Variants in PRXL2A observed in about 807,000 individuals in gnomAD.
PRXL2A encodes peroxiredoxin-like 2A.
Under a neutral mutation model 25.6 loss-of-function variants are expected in PRXL2A, and 26 were observed. That is an observed-to-expected ratio of 1.02 (90% confidence interval 0.74 to 1.41). PRXL2A has a LOEUF of 1.41. Among genes scored for constraint, PRXL2A ranks in the 40% most tolerant of loss-of-function variants. PRXL2A has a pLI of 0.00. For missense variants in PRXL2A, 246 were observed against 273.9 expected (o/e 0.90, Z 0.72); for synonymous variants, 98 against 102.9 (o/e 0.95, Z 0.29).
At chr10:80,419,694 T>C (rs1844794675) in intron 1 of PRXL2A, among the ~76,000 whole-genome samples, 1 of 152,216 alleles carries the variant, frequency 6.6e-6, no homozygotes, top group African/African-American at 2.4e-5. Flanking sequence ...GTCAGATTAC[T>C]AAACACCAGT....
At chr10:80,418,475 G>T (rs1300893355) in intron 1 of PRXL2A, among the ~76,000 whole-genome samples, 1 of 150,490 alleles carries the variant, frequency 6.6e-6, no homozygotes, top group African/African-American at 2.5e-5. Flanking sequence ...CTCATGCAGT[G>T]CACCCCTCAC....
chr10:80,413,461 G>T (rs1353514765), intron 1 of PRXL2A, among the ~76,000 whole-genome samples: 2 of 152,212 alleles, frequency 1.3e-5, no homozygotes, highest in Non-Finnish European at 2.9e-5. Context: ...GGGCAAGGGA[G>T]CAGGCTGCAC....
chr10:80,424,004 C>T (rs972816359), intron 3 of PRXL2A, among the ~76,000 whole-genome samples: 4 of 152,128 alleles, frequency 2.6e-5, no homozygotes, highest in African/African-American at 4.8e-5. Context: ...TCAGCAACAG[C>T]ATGGAAGCCT....
At chr10:80,413,877 G>A (rs1844558290) in intron 1 of PRXL2A, 2 of 1,246,914 alleles carry the variant, frequency 1.6e-6, no homozygotes, top group Middle Eastern at 2.2e-4. Flanking sequence ...GCTGTGTATG[G>A]TGAGTGCCTT....
intron 1 of PRXL2A, 83 bp from the exon 2 acceptor site, chr10:80,420,383 C>T: frequency 6.7e-7 from 1 of 1,502,820 alleles, no homozygotes; most frequent in African/African-American, 1.4e-5. Flanking sequence ...GGTTGGCTGT[C>T]CTGCCAGAGC....
intron 5 of PRXL2A, among the ~76,000 whole-genome samples, chr10:80,430,184 T>C (rs1168899073): frequency 8.1e-6 from 1 of 124,086 alleles, no homozygotes; most frequent in Non-Finnish European, 1.6e-5. Context: ...CACTGCAACC[T>C]CCACCCCCCC....
In PRXL2A at chr10:80,432,827, T is replaced by C. The variant is rs1162051171; in HGVS notation, c.*728T>C. 1 of 152,178 alleles carries C rather than the reference T, an allele frequency of 6.6e-6. No homozygotes were observed. The highest frequency in any genetic ancestry group is 2.4e-5 in the African/African-American group (1 of 41,434). 9.4% of individuals were successfully genotyped at this position (152,178 alleles called of 1,614,324 possible). On this transcript the variant is annotated 3_prime_UTR_variant, in exon 6 of 6. Coordinates refer to ENST00000606162, the MANE Select transcript of PRXL2A (RefSeq NM_032333.5). ...TTTCTATTAATAATTGGTTATATGA[T>C]GTCAAAGTAATACTTTCATAATAGA...
At chr10:80,420,403 A>G in intron 1 of PRXL2A, 63 bp from the exon 2 acceptor site, 1 of 1,505,440 alleles carries the variant, frequency 6.6e-7, no homozygotes, top group East Asian at 2.4e-5. Flanking sequence ...CCTTGCCTGG[A>G]AGATGAAATT....
intron 1 of PRXL2A, 191 bp from the exon 2 acceptor site, chr10:80,420,275 G>A (rs1844817957): frequency 7.5e-7 from 1 of 1,341,936 alleles, no homozygotes; most frequent in Non-Finnish European, 9.5e-7. Context: ...CTCCATGTGT[G>A]TGCTGCATCC....
At chr10:80,427,907 T>C (rs550202266) in intron 5 of PRXL2A, among the ~76,000 whole-genome samples, 6 of 152,312 alleles carry the variant, frequency 3.9e-5, no homozygotes, top group African/African-American at 1.2e-4. Flanking sequence ...TTGCTGACTT[T>C]AAGTTTTGTT....
rs1443814902 is a variant in PRXL2A, at chr10:80,433,068, A to C, written c.*969A>C. On this transcript the variant is annotated 3_prime_UTR_variant, in exon 6 of 6. Coordinates refer to ENST00000606162, the MANE Select transcript of PRXL2A (RefSeq NM_032333.5). The stretch of plus-strand genomic sequence containing the variant: ...CATATAATTGGCTGAAAGTAAAAAA[A>C]GTCAGCATTCTCCATGGCTGAGGGG... 1 of 152,242 alleles carries C rather than the reference A, an allele frequency of 6.6e-6. No homozygotes were observed. Among genetic ancestry groups the C allele is most frequent in the East Asian group, 1.9e-4 (1 of 5,204 alleles). 9.4% of individuals were successfully genotyped at this position (152,242 alleles called of 1,614,324 possible).
Position 80,436,645 on chromosome 10 carries a change from G to T in PRXL2A, c.*4546G>T, listed in dbSNP as rs1272653885. The stretch of plus-strand genomic sequence containing the variant: ...GACCTTCTCCTGCCCTCTTGTTTCT[G>T]GCTTTTCATTCTCCCCCAAGGCTAC... On this transcript the variant is annotated 3_prime_UTR_variant, in exon 6 of 6. Coordinates refer to ENST00000606162, the MANE Select transcript of PRXL2A (RefSeq NM_032333.5). 1 of 152,138 alleles carries T rather than the reference G, an allele frequency of 6.6e-6. No individual in the cohort carries two copies. The highest frequency in any genetic ancestry group is 1.5e-5 in the Non-Finnish European group (1 of 68,072). The allele number at this position is 152,138 out of a possible 1,614,324, so 9.4% of individuals were successfully genotyped here. A position where few individuals can be genotyped will look rare whatever the true frequency, so the allele number is the denominator to read the frequency against.
intron 4 of PRXL2A, among the ~76,000 whole-genome samples, chr10:80,426,959 C>G (rs919735888): frequency 6.6e-6 from 1 of 151,782 alleles, no homozygotes; most frequent in Non-Finnish European, 1.5e-5. Flanking sequence ...GCTTGGCCAA[C>G]GTGGTGAAAC....
intron 2 of PRXL2A, 25 bp from the exon 3 acceptor site, chr10:80,422,392 C>T (rs772693256): frequency 1.4e-5 from 22 of 1,586,980 alleles, no homozygotes; most frequent in South Asian, 2.2e-5. Context: ...GAGGAGATAT[C>T]GAATTTCTTT....
chr10:80,437,071 A>G lies in PRXL2A; in HGVS notation c.*4972A>G, dbSNP rs149399751. ...TGGGGTCTTCATTCTGAGGGCTCACATACAATTATGATCAAATAAATTTGT... is the reference window on the plus strand; with the variant it reads ...TGGGGTCTTCATTCTGAGGGCTCACGTACAATTATGATCAAATAAATTTGT... On this transcript the variant is annotated 3_prime_UTR_variant, in exon 6 of 6. Transcript: ENST00000606162. 234 of 152,380 alleles carry G rather than the reference A, an allele frequency of 1.5e-3. No homozygotes were observed. Among genetic ancestry groups the G allele is most frequent in the African/African-American group, 5.1e-3 (212 of 41,590 alleles). 9.4% of individuals were successfully genotyped at this position (152,380 alleles called of 1,614,324 possible). A position where few individuals can be genotyped will look rare whatever the true frequency, so the allele number is the denominator to read the frequency against.
chr10:80,431,282 G>A (rs1845249710), intron 5 of PRXL2A, among the ~76,000 whole-genome samples: 1 of 146,516 alleles, frequency 6.8e-6, no homozygotes, highest in Non-Finnish European at 1.5e-5. Flanking sequence ...TCTCTGCAGT[G>A]TGGTGGGCCT....
At chr10:80,431,697 C>G (rs1460092470) in intron 5 of PRXL2A, among the ~76,000 whole-genome samples, 1 of 152,126 alleles carries the variant, frequency 6.6e-6, no homozygotes, top group African/African-American at 2.4e-5. Context: ...TGTAGACATC[C>G]TGGTTACCCT....
chr10:80,430,997 A>G (rs1467879168), intron 5 of PRXL2A, among the ~76,000 whole-genome samples: 1 of 152,076 alleles, frequency 6.6e-6, no homozygotes, highest in Non-Finnish European at 1.5e-5. Context: ...TCCCAGGTTC[A>G]AGGGATTATC....
chr10:80,430,587 A>G (rs779366313), intron 5 of PRXL2A, among the ~76,000 whole-genome samples: 11 of 152,188 alleles, frequency 7.2e-5, no homozygotes, highest in Non-Finnish European at 1.3e-4. Flanking sequence ...TCAAGGCTGC[A>G]GTAAGCTATG....
Sources: allele counts gnomAD v4.1 joint callset (sites outside exome capture counted in the v4.1 genomes callset), GRCh38; gene constraint gnomAD v4.1.1; transcripts MANE v1.5; gene names NCBI Gene and HGNC (gene_info 2026-07-23, HGNC 2026-07-21).